CCSER1: variants seen among roughly 807,000 people sequenced by gnomAD.
The protein encoded by CCSER1 is serine-rich coiled-coil domain-containing protein 1.
CCSER1 carries 41 observed loss-of-function variants against 82.0 expected under a neutral mutation model. That is an observed-to-expected ratio of 0.50 (90% CI 0.39 to 0.65). CCSER1 has a LOEUF of 0.65. Among genes scored for constraint, CCSER1 ranks in the 30% least tolerant of loss-of-function variants. CCSER1 has a pLI of 0.00. For synonymous variants in CCSER1, 414 were observed against 383.9 expected, an observed-to-expected ratio of 1.08 and a Z score of -0.92; for missense variants, 1,119 against 1,064.2, an observed-to-expected ratio of 1.05 and a Z score of -0.72.
intron 4 of CCSER1, among the ~76,000 whole-genome samples, chr4:90,412,294 C>G (rs1754986635): frequency 8.1e-6 from 1 of 123,302 alleles, no homozygotes; most frequent in Non-Finnish European, 1.6e-5. Flanking sequence ...GAAGAGGAAC[C>G]TCACACACTG....
rs922853734 is a variant in CCSER1, at chr4:90,802,216, TA to T, written c.2011-13536del. Among the ~76,000 whole-genome samples the T allele has an allele frequency of 1.9e-3, 276 of 145,380 alleles. 1 individual carries two copies. Among genetic ancestry groups the T allele is most frequent in the African/African-American group, 5.6e-3 (225 of 40,030 alleles). On this transcript the variant is annotated intron_variant, in intron 7 of 10. Transcript: ENST00000509176. Reference sequence around the variant, plus strand: ...CTGGGCAACAGAGTGAGACTCCATCTAAAAAAAAAATAAATTAATTACAAAT... The same window carrying T: ...CTGGGCAACAGAGTGAGACTCCATCTAAAAAAAAATAAATTAATTACAAAT...
chr4:90,446,333 A>T (rs1760646846), intron 4 of CCSER1, among the ~76,000 whole-genome samples: 1 of 152,168 alleles, frequency 6.6e-6, no homozygotes, highest in Non-Finnish European at 1.5e-5. Context: ...GATGGACATT[A>T]TGTAGATTAT....
rs565230181 is a variant in CCSER1 at position 91,229,356 on chromosome 4, A to C, written c.2217+143362A>C. ...TTACTTCTAGATATGTTTTGAATTA[A>C]AAAAAAAACAGAGTACTCTTTGGGG... On this transcript the variant is annotated intron_variant, in intron 10 of 10. Coordinates refer to ENST00000509176, the MANE Select transcript of CCSER1 (RefSeq NM_001145065.2). 9.9e-5 allele frequency among the ~76,000 whole-genome samples: 15 copies of C among 151,198 alleles called. No individual in the cohort carries two copies. In the South Asian group the frequency reaches 3.1e-3, roughly 32 times the overall value.
chr4:91,257,498 C>CACAA (rs1429554561), intron 10 of CCSER1, among the ~76,000 whole-genome samples: 1 of 151,336 alleles, frequency 6.6e-6, no homozygotes, highest in Non-Finnish European at 1.5e-5. Context: ...CACACACACA[C>CACAA]ACACCCATTT....
At chr4:91,463,766 C>A (rs1305948171) in intron 10 of CCSER1, among the ~76,000 whole-genome samples, 1 of 151,946 alleles carries the variant, frequency 6.6e-6, no homozygotes, top group Non-Finnish European at 1.5e-5. Context: ...GATTGAAGAT[C>A]AAATGAATGA....
intron 10 of CCSER1, among the ~76,000 whole-genome samples, chr4:91,390,698 C>G (rs1280001729): frequency 6.6e-6 from 1 of 151,930 alleles, no homozygotes; most frequent in Non-Finnish European, 1.5e-5. Context: ...CACCAGTGAA[C>G]CCATCTGGGC....
chr4:90,269,348 G>T (rs1225723856), intron 1 of CCSER1, among the ~76,000 whole-genome samples: 2 of 151,966 alleles, frequency 1.3e-5, no homozygotes, highest in Admixed American at 1.3e-4. Context: ...CTTTGATCAT[G>T]ATTGAATAAA....
intron 10 of CCSER1, among the ~76,000 whole-genome samples, chr4:91,269,529 A>G (rs1741863559): frequency 6.6e-6 from 1 of 152,218 alleles, no homozygotes; most frequent in Admixed American, 6.5e-5. Flanking sequence ...TTATATGTTT[A>G]TCAGAAATAT....
rs187622133 is a variant in CCSER1, at chr4:90,208,568, A to G, written c.-42+80737A>G. Among the ~76,000 whole-genome samples the G allele has an allele frequency of 1.2e-3, 185 of 151,932 alleles. 1 individual carries two copies. The highest frequency in any genetic ancestry group is 1.7e-3 in the Non-Finnish European group (116 of 67,954). ...CTGGGGTATGAAAAAAAACTCCTGCAGCTAGCTCAATGTCTGCCCAAACGG... is the reference window on the plus strand; with the variant it reads ...CTGGGGTATGAAAAAAAACTCCTGCGGCTAGCTCAATGTCTGCCCAAACGG... On this transcript the variant is annotated intron_variant, in intron 1 of 10. Coordinates refer to ENST00000509176, the MANE Select transcript of CCSER1 (RefSeq NM_001145065.2).
chr4:91,447,236 C>T (rs1010397336), intron 10 of CCSER1, among the ~76,000 whole-genome samples: 8 of 152,114 alleles, frequency 5.3e-5, no homozygotes, highest in East Asian at 3.9e-4. Context: ...TTGTCTGCTT[C>T]GTGTCATAGA....
At chr4:90,663,143 A>G (rs12505430) in intron 6 of CCSER1, among the ~76,000 whole-genome samples, 77,974 of 151,956 alleles carry the variant, frequency 0.51, 20,250 homozygotes, top group Middle Eastern at 0.67. Context: ...TAGTAAAATA[A>G]TGGTTTACTG....
intron 10 of CCSER1, among the ~76,000 whole-genome samples, chr4:91,359,491 T>C (rs1749105525): frequency 6.6e-6 from 1 of 151,928 alleles, no homozygotes; most frequent in African/African-American, 2.4e-5. Context: ...AGCTGCTACC[T>C]ATTAAAATTA....
chr4:90,405,555 A>G (rs1002440300), intron 4 of CCSER1, among the ~76,000 whole-genome samples: 3 of 152,154 alleles, frequency 2.0e-5, no homozygotes, highest in Non-Finnish European at 4.4e-5. Flanking sequence ...CTACGCACAC[A>G]GTCATCAGGT....
At chr4:91,162,173 CATCTACTGAGATA>C (rs2148979490) in intron 10 of CCSER1, among the ~76,000 whole-genome samples, 1 of 152,236 alleles carries the variant, frequency 6.6e-6, no homozygotes, top group South Asian at 2.1e-4. Context: ...GCCTTTTCTG[CATCTACTGAGATA>C]ATCATGTGGT....
At chr4:91,302,276 T>C in intron 10 of CCSER1, among the ~76,000 whole-genome samples, 1 of 152,040 alleles carries the variant, frequency 6.6e-6, no homozygotes, top group Non-Finnish European at 1.5e-5. Flanking sequence ...AATAGCTACC[T>C]GTTTTCACGC....
chr4:91,365,670 T>G (rs2149317633), intron 10 of CCSER1, among the ~76,000 whole-genome samples: 1 of 152,340 alleles, frequency 6.6e-6, no homozygotes, highest in African/African-American at 2.4e-5. Context: ...TTTCCTTATT[T>G]AATTCATCTG....
intron 1 of CCSER1, among the ~76,000 whole-genome samples, chr4:90,228,241 G>T (rs1244192560): frequency 6.6e-6 from 1 of 152,202 alleles, no homozygotes; most frequent in Non-Finnish European, 1.5e-5. Context: ...GCTTTGAAGA[G>T]AGCAGTGTTT....
intron 5 of CCSER1, among the ~76,000 whole-genome samples, chr4:90,574,924 G>C (rs186622087): frequency 6.6e-6 from 1 of 152,000 alleles, no homozygotes; most frequent in Admixed American, 6.6e-5. Flanking sequence ...GGGAGGAGCC[G>C]AAAGTATTTA....
intron 1 of CCSER1, among the ~76,000 whole-genome samples, chr4:90,236,140 G>A (rs1488060735): frequency 6.6e-6 from 1 of 152,054 alleles, no homozygotes; most frequent in Non-Finnish European, 1.5e-5. Flanking sequence ...TGTTGCTCAC[G>A]CTGCTCTTGA....
Sources: allele counts gnomAD v4.1 joint callset (sites outside exome capture counted in the v4.1 genomes callset), GRCh38; gene constraint gnomAD v4.1.1; transcripts MANE v1.5; gene names NCBI Gene and HGNC (gene_info 2026-07-23, HGNC 2026-07-21).